SLC44A1: variants seen among roughly 807,000 people sequenced by gnomAD.
SLC44A1 encodes choline transporter-like protein 1.
In SLC44A1, 26 loss-of-function variants were observed where a neutral mutation model predicts 79.3. The observed-to-expected ratio is 0.33, with a 90% CI of 0.24 to 0.46. SLC44A1 has a LOEUF of 0.46. Among genes scored for constraint, SLC44A1 ranks in the 20% least tolerant of loss-of-function variants. SLC44A1 has a pLI of 1.00. For missense variants in SLC44A1, 688 were observed against 798.1 expected, an observed-to-expected ratio of 0.86 and a Z score of 1.66; for synonymous variants, 263 against 286.2, an observed-to-expected ratio of 0.92 and a Z score of 0.82.
At chr9:105,338,437 C>A (rs10991632) in intron 4 of SLC44A1, among the ~76,000 whole-genome samples, 3,797 of 152,180 alleles carry the variant, frequency 0.025, 51 homozygotes, top group Middle Eastern at 0.048. Context: ...GCTTAAGAGA[C>A]AGGCTGAAGT....
intron 1 of SLC44A1, among the ~76,000 whole-genome samples, chr9:105,281,403 A>G (rs1830347787): frequency 1.3e-5 from 2 of 152,022 alleles, no homozygotes; most frequent in African/African-American, 2.4e-5. Flanking sequence ...TCTTTTTGAT[A>G]TTATTTAATT....
intron 1 of SLC44A1, among the ~76,000 whole-genome samples, chr9:105,268,397 G>A (rs907654158): frequency 2.0e-5 from 3 of 152,086 alleles, no homozygotes; most frequent in African/African-American, 7.3e-5. Context: ...TATTATTTCA[G>A]TGGAGTTTTG....
chr9:105,287,976 G>C (rs1003845858), intron 1 of SLC44A1, among the ~76,000 whole-genome samples: 7 of 152,110 alleles, frequency 4.6e-5, no homozygotes, highest in African/African-American at 1.7e-4. Flanking sequence ...ATAAATGGGA[G>C]CATATATTAT....
At chr9:105,248,667 C>T (rs779981805) in intron 1 of SLC44A1, among the ~76,000 whole-genome samples, 4 of 152,168 alleles carry the variant, frequency 2.6e-5, no homozygotes, top group African/African-American at 4.8e-5. Context: ...TTGAGGGGAA[C>T]GTAAAAGTAA....
chr9:105,388,997 G>T, intron 15 of SLC44A1, 36 bp from the exon 16 acceptor site: 1 of 1,530,252 alleles, frequency 6.5e-7, no homozygotes, highest in Non-Finnish European at 9.1e-7. Flanking sequence ...AATGGTAATT[G>T]TCTAAGATTA....
intron 3 of SLC44A1, among the ~76,000 whole-genome samples, chr9:105,318,576 AT>A (rs1247536581): frequency 6.6e-6 from 1 of 152,048 alleles, no homozygotes; most frequent in African/African-American, 2.4e-5. Context: ...ATTTATGGAG[AT>A]TTTTTTGTCA....
At chr9:105,279,365 T>TG (rs1478252849) in intron 1 of SLC44A1, among the ~76,000 whole-genome samples, 4 of 150,286 alleles carry the variant, frequency 2.7e-5, no homozygotes, top group African/African-American at 9.8e-5. Flanking sequence ...TTGCCCAGGC[T>TG]GGGGTGCAAT....
rs117463102 is a variant in SLC44A1 at position 105,383,592 on chromosome 9, C to T, written c.1869+233C>T. Among the ~76,000 whole-genome samples, 556 of 152,264 alleles carry T rather than the reference C, an allele frequency of 3.7e-3. 2 individuals carry two copies. The highest frequency in any genetic ancestry group is 6.4e-3 in the Non-Finnish European group (436 of 68,016). ...AGCTAGAGCAGTACTGGTTAATAGT[C>T]CTAAGTTCACCCTATTCTTGCTGCC... On this transcript the variant is annotated intron_variant, in intron 14 of 15. Transcript: ENST00000374720.
intron 2 of SLC44A1, among the ~76,000 whole-genome samples, chr9:105,309,138 G>A (rs970839300): frequency 2.0e-5 from 3 of 152,216 alleles, no homozygotes; most frequent in Admixed American, 2.0e-4. Context: ...GAAGGAAACA[G>A]AAGTATTGGG....
rs1039533052 is a variant in SLC44A1 at position 105,358,457 on chromosome 9, T to G, written c.760+24T>G. 3.2e-6 allele frequency: 4 copies of G among 1,246,006 alleles called. No homozygotes were observed. The African/African-American group carries it at 5.9e-5, about 18-fold the overall frequency. 77.2% of individuals were successfully genotyped at this position (1,246,006 alleles called of 1,614,324 possible). A position where few individuals can be genotyped will look rare whatever the true frequency, so the allele number is the denominator to read the frequency against. ...TGGTAAGCTATTTATTTCTTTGTTT[T>G]CTACCTCAGCCTCTTAACTACTTTG... On this transcript the variant is annotated intron_variant, in intron 7 of 15. Transcript: ENST00000374720.
chr9:105,280,214 G>C (rs1036931807), intron 1 of SLC44A1, among the ~76,000 whole-genome samples: 27 of 152,164 alleles, frequency 1.8e-4, no homozygotes, highest in Admixed American at 6.5e-5. Flanking sequence ...AAAAAATAGT[G>C]GTCAACACTG....
chr9:105,351,270 A>T (rs1275213105), intron 5 of SLC44A1, among the ~76,000 whole-genome samples: 4 of 152,186 alleles, frequency 2.6e-5, no homozygotes, highest in Non-Finnish European at 5.9e-5. Flanking sequence ...GCAGTGGCTT[A>T]TGCCTGTAAT....
At chr9:105,381,337 C>T (rs1156539033) in intron 13 of SLC44A1, among the ~76,000 whole-genome samples, 4 of 151,454 alleles carry the variant, frequency 2.6e-5, no homozygotes, top group East Asian at 3.9e-4. Context: ...GTCAGGAGAT[C>T]GAGACCAGCC....
rs114548132 is a variant in SLC44A1, at chr9:105,281,095, T to A, written c.37-18125T>A. On this transcript the variant is annotated intron_variant, in intron 1 of 15. Transcript: ENST00000374720. ...AGATAGACATAACAGAGCAAAAAAT[T>A]CACTGTTGTCATGGAGAGCACCTTG... Among the ~76,000 whole-genome samples the A allele has an allele frequency of 6.8e-3, 1,037 of 152,272 alleles. 10 individuals are homozygous for A. The highest frequency in any genetic ancestry group is 0.023 in the African/African-American group (960 of 41,548).
At chr9:105,263,003 A>C (rs1353266137) in intron 1 of SLC44A1, among the ~76,000 whole-genome samples, 1 of 152,248 alleles carries the variant, frequency 6.6e-6, no homozygotes, top group Non-Finnish European at 1.5e-5. Flanking sequence ...GCACAAATGT[A>C]CCGAGTGCCT....
Position 105,348,393 on chromosome 9 carries a change from G to GAA in SLC44A1, c.443_444dup (p.Tyr149AsnfsTer32). 1 of 1,611,894 alleles carries GAA rather than the reference G, an allele frequency of 6.2e-7. No homozygotes were observed. Among genetic ancestry groups the GAA allele is most frequent in the Non-Finnish European group, 8.5e-7 (1 of 1,178,312 alleles). On this transcript the variant is annotated frameshift_variant, in exon 5 of 16. Coordinates refer to ENST00000374720, the MANE Select transcript of SLC44A1 (RefSeq NM_080546.5). LOFTEE classifies it high-confidence loss of function. ...ATGTAGCTACAACCTAAAGCCTTCT[G>GAA]AATACACTACATCTCCAAAATCTTC...
chr9:105,247,294 C>CT (rs1284015587), intron 1 of SLC44A1, among the ~76,000 whole-genome samples: 7 of 151,946 alleles, frequency 4.6e-5, no homozygotes, highest in South Asian at 2.1e-4. Flanking sequence ...GTATTTTCTT[C>CT]TTTTTTTTGT....
intron 5 of SLC44A1, among the ~76,000 whole-genome samples, chr9:105,351,651 AAAG>A (rs1827445899): frequency 1.3e-5 from 2 of 149,918 alleles, no homozygotes; most frequent in South Asian, 2.1e-4. Flanking sequence ...AGAAAGAAAG[AAAG>A]AAAGAAAGAA....
intron 12 of SLC44A1, among the ~76,000 whole-genome samples, chr9:105,370,016 A>G (rs1307328363): frequency 6.6e-6 from 1 of 152,244 alleles, no homozygotes; most frequent in African/African-American, 2.4e-5. Context: ...GTCCTGCCCA[A>G]GCAAATGTTG....
Sources: gnomAD v4.1 joint callset for allele counts (sites outside exome capture counted in the v4.1 genomes callset) on GRCh38, gnomAD v4.1.1 for gene constraint, MANE v1.5 for transcripts, NCBI Gene and HGNC (gene_info 2026-07-23, HGNC 2026-07-21) for gene names.